Variants in NOL8 observed in about 807,000 individuals in gnomAD.
NOL8 encodes nucleolar protein 8.
Under a neutral mutation model 116.1 loss-of-function variants are expected in NOL8, and 93 were observed. The ratio of observed to expected loss-of-function variants is 0.80; its 90% confidence interval spans 0.68 to 0.95. The LOEUF (loss-of-function observed/expected upper bound fraction) is 0.95, where lower values mean the gene tolerates loss of function less well. Ranked by LOEUF, NOL8 falls within the 40% of genes least tolerant of loss-of-function variation. NOL8 has a pLI of 0.00. For synonymous variants in NOL8, 419 were observed against 469.0 expected (o/e 0.89, Z 1.38); for missense variants, 1,291 against 1,382.8 (o/e 0.93, Z 1.05).
intron 4 of NOL8, among the ~76,000 whole-genome samples, 167 bp from the exon 5 acceptor site, chr9:92,319,523 T>C (rs574174373): frequency 2.4e-4 from 36 of 152,230 alleles, no homozygotes; most frequent in Non-Finnish European, 4.0e-4. Context: ...TACCTACTTA[T>C]CTGAACATAC....
In NOL8 at chr9:92,301,751, T is replaced by A; in HGVS notation, c.2975A>T (p.Asn992Ile). The change falls in exon 13 of 17, where the codon AAT becomes ATT. Residue 992 changes from asparagine (N) to isoleucine (I), a missense_variant. Physicochemically the swap from Asn to Ile is moderately radical, Grantham distance 149 (BLOSUM62 -3). Transcript: ENST00000442668. Reference sequence around the variant, plus strand: ...TATTTCTTTCAGATCCATAGCAATATTATAATACATTTCTTTAGACACCTC... The same window carrying A: ...TATTTCTTTCAGATCCATAGCAATAATATAATACATTTCTTTAGACACCTC... ...LPEVSKEMYY[N>I]IAMDLKEIFQ... 1 of 1,602,970 alleles carries A rather than the reference T, an allele frequency of 6.2e-7. No individual in the cohort carries two copies. The highest frequency in any genetic ancestry group is 8.5e-7 in the Non-Finnish European group (1 of 1,175,428).
chr9:92,315,072 T>C lies in NOL8; in HGVS notation c.1553A>G (p.Lys518Arg), dbSNP rs762461978. The part of the protein sequence containing the change: ...SDGPETTTQC[K>R]FDRGSKSPKT... ...GGGGCTCTTGGAGCCTCTGTCAAACTTGCATTGGGTGGTGGTTTCTGGTCC... is the reference window on the plus strand; with the variant it reads ...GGGGCTCTTGGAGCCTCTGTCAAACCTGCATTGGGTGGTGGTTTCTGGTCC... The change falls in exon 7 of 17, where the codon AAG becomes AGG. Residue 518 changes from lysine to arginine, a missense_variant. By Grantham distance (26) the Lys-to-Arg change is conservative. Transcript: ENST00000442668. 6.2e-7 allele frequency: 1 copy of C among 1,614,050 alleles called. No individual in the cohort carries two copies. Among genetic ancestry groups the C allele is most frequent in the Non-Finnish European group, 8.5e-7 (1 of 1,179,902 alleles).
chr9:92,307,971 C>CA (rs1838427396), intron 10 of NOL8, among the ~76,000 whole-genome samples: 1 of 152,198 alleles, frequency 6.6e-6, no homozygotes, highest in Non-Finnish European at 1.5e-5. Context: ...TTTTGACTAT[C>CA]AAAAACATCA....
In NOL8 at chr9:92,316,393, T is replaced by C. The variant is rs1429741929; in HGVS notation, c.487-255A>G. Among the ~76,000 whole-genome samples, 4 of 152,270 alleles carry C rather than the reference T, an allele frequency of 2.6e-5. No homozygotes were observed. In the East Asian group the frequency reaches 7.7e-4, roughly 29 times the overall value. ...TTACTTGGAGTGTATGTGGATATTATAGCAAACCTATTCAGATTATATTAT... is the reference window on the plus strand; with the variant it reads ...TTACTTGGAGTGTATGTGGATATTACAGCAAACCTATTCAGATTATATTAT... On this transcript the variant is annotated intron_variant, in intron 6 of 16. Coordinates refer to ENST00000442668, the MANE Select transcript of NOL8 (RefSeq NM_017948.6).
intron 11 of NOL8, among the ~76,000 whole-genome samples, chr9:92,306,562 C>T (rs938021252): frequency 1.3e-5 from 2 of 152,100 alleles, no homozygotes; most frequent in African/African-American, 4.8e-5. Flanking sequence ...TTTCATTAGT[C>T]TCTCTAAATT....
intron 7 of NOL8, 44 bp downstream of exon 7, chr9:92,314,223 C>T (rs778785833): frequency 1.3e-6 from 2 of 1,501,480 alleles, no homozygotes; most frequent in Non-Finnish European, 1.8e-6. Flanking sequence ...AAAAGCTGAA[C>T]TTTCTGAGTT....
At chr9:92,324,238 A>T in intron 1 of NOL8, 29 bp from the exon 2 acceptor site, 1 of 1,445,286 alleles carries the variant, frequency 6.9e-7, no homozygotes, top group South Asian at 1.5e-5. Context: ...TCTTTCCCTT[A>T]GTTCTTCTAA....
At chr9:92,304,445 G>C (rs571031792) in intron 12 of NOL8, among the ~76,000 whole-genome samples, 17 of 152,328 alleles carry the variant, frequency 1.1e-4, no homozygotes, top group Non-Finnish European at 2.1e-4. Context: ...AGGAATAACA[G>C]AGAAGCCTCA....
intron 6 of NOL8, among the ~76,000 whole-genome samples, chr9:92,317,807 G>A (rs1400015396): frequency 6.6e-6 from 1 of 151,848 alleles, no homozygotes; most frequent in Non-Finnish European, 1.5e-5. Flanking sequence ...GGCCAAGGTG[G>A]GCAGATCACA....
chr9:92,300,451 T>C, intron 13 of NOL8: 1 of 988,168 alleles, frequency 1.0e-6, no homozygotes, highest in South Asian at 4.6e-5. Context: ...TACCCAAAAC[T>C]TTTTGCTAGA....
At position 92,315,579 on chromosome 9, in the gene NOL8, T is replaced by C; in HGVS notation, c.1046A>G (p.His349Arg). 3 of 1,613,016 alleles carry C rather than the reference T, an allele frequency of 1.9e-6. No homozygotes were observed. The highest frequency in any genetic ancestry group is 2.5e-6 in the Non-Finnish European group (3 of 1,179,622). The change falls in exon 7 of 17, where the codon CAT becomes CGT. Residue 349 changes from histidine (H) to arginine (R), a missense_variant. Coordinates refer to ENST00000442668, the MANE Select transcript of NOL8 (RefSeq NM_017948.6). ...TTTGATACCTAAACCTATTAAAGAA[T>C]GCAGTTTGTGAACGCCTGATTTGAA... is the stretch of plus-strand genomic sequence containing the variant. ...DDFKSGVHKL[H>R]SLIGLGIKNR... is the part of the protein sequence containing the mutation.
Position 92,310,281 on chromosome 9 carries a change from AC to A in NOL8, c.2596-21del. 6.3e-7 allele frequency: 1 copy of A among 1,586,352 alleles called. No homozygotes were observed. Among genetic ancestry groups the A allele is most frequent in the Non-Finnish European group, 8.6e-7 (1 of 1,163,714 alleles). On this transcript the variant is annotated intron_variant, in intron 9 of 16. Transcript: ENST00000442668. The stretch of plus-strand genomic sequence containing the variant: ...CATGAGCTACACAGACAGAAAACAT[AC>A]ATAATTGATAGCCACATTCCCAAGA...
chr9:92,319,493 TTC>T (rs1839737424), intron 4 of NOL8, 137 bp from the exon 5 acceptor site: 2 of 770,994 alleles, frequency 2.6e-6, no homozygotes, highest in Admixed American at 7.7e-5. Flanking sequence ...CAAAAATGCT[TTC>T]TTAGTAGCAT....
At chr9:92,312,100 A>G (rs150032318) in intron 7 of NOL8, among the ~76,000 whole-genome samples, 62 of 152,300 alleles carry the variant, frequency 4.1e-4, no homozygotes, top group African/African-American at 1.3e-3. Context: ...TAATACAGGA[A>G]CAGAAAACCA....
intron 4 of NOL8, among the ~76,000 whole-genome samples, 189 bp downstream of exon 4, chr9:92,321,479 T>C (rs1839918651): frequency 1.3e-5 from 2 of 152,208 alleles, no homozygotes; most frequent in South Asian, 2.1e-4. Context: ...CATACGTAAA[T>C]GCATGAAATT....
intron 13 of NOL8, among the ~76,000 whole-genome samples, chr9:92,300,990 G>A (rs898951505): frequency 1.1e-4 from 17 of 152,186 alleles, no homozygotes; most frequent in Non-Finnish European, 2.4e-4. Flanking sequence ...AACAGGTCAG[G>A]TGTTTTTTAA....
chr9:92,324,876 A>T (rs1387768737), intron 1 of NOL8: 1 of 152,244 alleles, frequency 6.6e-6, no homozygotes, highest in African/African-American at 2.4e-5. Flanking sequence ...GGAGAGCAGA[A>T]GAGGTTAAGT....
chr9:92,323,547 TC>T, intron 2 of NOL8, 44 bp from the exon 3 acceptor site: 1 of 1,515,000 alleles, frequency 6.6e-7, no homozygotes, highest in Non-Finnish European at 8.9e-7. Flanking sequence ...TTATTTAAAT[TC>T]TTATCCAGAG....
rs1839055588 is a variant in NOL8 at position 92,313,570 on chromosome 9, AAC to A, written c.2358+695_2358+696del. Among the ~76,000 whole-genome samples, 6 of 152,308 alleles carry A rather than the reference AAC, an allele frequency of 3.9e-5. 1 individual carries two copies. The highest frequency in any genetic ancestry group is 1.4e-4 in the African/African-American group (6 of 41,558). On this transcript the variant is annotated intron_variant, in intron 7 of 16. Transcript: ENST00000442668. ...TCTTTTCATTTTATGAACAAAATGA[AAC>A]CACTAGCCTCATTTCTTGCCATCTC...
Sources: gnomAD v4.1 joint callset for allele counts (sites outside exome capture counted in the v4.1 genomes callset) on GRCh38, gnomAD v4.1.1 for gene constraint, MANE v1.5 for transcripts, NCBI Gene and HGNC (gene_info 2026-07-23, HGNC 2026-07-21) for gene names.